Variants in GON4L observed in about 807,000 individuals in gnomAD.
GON4L encodes gon-4 like.
A neutral mutation model predicts 211.8 loss-of-function variants in GON4L; 87 were observed. That is an observed-to-expected ratio of 0.41 (90% CI 0.35 to 0.49). GON4L has a LOEUF of 0.49. Ranked by LOEUF, GON4L falls within the 20% of genes least tolerant of loss-of-function variation. GON4L has a pLI of 0.15. For synonymous variants in GON4L, 875 were observed against 962.6 expected, an observed-to-expected ratio of 0.91 and a Z score of 1.68; for missense variants, 2,155 against 2,659.5, an observed-to-expected ratio of 0.81 and a Z score of 4.17.
chr1:155,803,808 C>T (rs1010191895), intron 11 of GON4L, among the ~76,000 whole-genome samples: 11 of 151,900 alleles, frequency 7.2e-5, no homozygotes, highest in Non-Finnish European at 2.9e-5. Flanking sequence ...GAAGTGTAGA[C>T]AAAGCAAAAA....
At chr1:155,825,748 A>G (rs1279950592) in intron 3 of GON4L, among the ~76,000 whole-genome samples, 1 of 151,916 alleles carries the variant, frequency 6.6e-6, no homozygotes, top group East Asian at 1.9e-4. Context: ...AAAATTTTTT[A>G]ATTAGCTGGC....
chr1:155,820,242 T>G (rs1668615317), intron 6 of GON4L, among the ~76,000 whole-genome samples: 1 of 152,192 alleles, frequency 6.6e-6, no homozygotes, highest in Non-Finnish European at 1.5e-5. Flanking sequence ...TAAGCATGCC[T>G]GAGGGATCCC....
rs892936959 is a variant in GON4L, at chr1:155,777,534, G to A, written c.2091+88C>T. The A allele has an allele frequency of 4.2e-5, 40 of 959,984 alleles. No individual in the cohort carries two copies. In the Admixed American group the frequency reaches 4.6e-4, roughly 11 times the overall value. 59.5% of individuals were successfully genotyped at this position (959,984 alleles called of 1,614,324 possible). A position where few individuals can be genotyped will look rare whatever the true frequency, so the allele number is the denominator to read the frequency against. On this transcript the variant is annotated intron_variant, in intron 15 of 31. Coordinates refer to ENST00000368331, the MANE Select transcript of GON4L (RefSeq NM_001282860.2). ...GCAGAGGTTGAAGTGAGCCGATATC[G>A]GGCCACTGCACTCCAGGCTGGGAGA... is the stretch of plus-strand genomic sequence containing the variant.
intron 6 of GON4L, among the ~76,000 whole-genome samples, chr1:155,820,390 C>T (rs1370292324): frequency 6.6e-6 from 1 of 152,190 alleles, no homozygotes; most frequent in African/African-American, 2.4e-5. Flanking sequence ...GGTTATCTAT[C>T]TAGCAATTCC....
chr1:155,748,629 C>T (rs1660348934), downstream of GON4L: 1 of 1,613,120 alleles, frequency 6.2e-7, no homozygotes, highest in Non-Finnish European at 8.5e-7. Flanking sequence ...AGCAATCATC[C>T]CTTTCCCCTT....
At chr1:155,781,040 T>A (rs1226098436) in intron 14 of GON4L, among the ~76,000 whole-genome samples, 3 of 152,180 alleles carry the variant, frequency 2.0e-5, no homozygotes, top group African/African-American at 7.2e-5. Context: ...CCTGATCACC[T>A]GCACTACTAC....
At position 155,763,187 on chromosome 1, in the gene GON4L, A is replaced by C. The variant is rs565062143; in HGVS notation, c.4726+125T>G. ...TGTTTTGGGGGAGGGGTGTTGCAGA[A>C]GAGATCCAGAGGGTTTCCTCTGGAA... is the stretch of plus-strand genomic sequence containing the variant. On this transcript the variant is annotated intron_variant, in intron 22 of 31. Transcript: ENST00000368331. 18 of 793,714 alleles carry C rather than the reference A, an allele frequency of 2.3e-5. No homozygotes were observed. In the Admixed American group the frequency reaches 4.0e-4, roughly 18 times the overall value. 49.2% of individuals were successfully genotyped at this position (793,714 alleles called of 1,614,324 possible).
intron 12 of GON4L, among the ~76,000 whole-genome samples, chr1:155,791,730 T>C (rs1156449560): frequency 1.3e-5 from 2 of 151,782 alleles, no homozygotes; most frequent in Non-Finnish European, 2.9e-5. Flanking sequence ...TAGCTGGGCG[T>C]GGTGGCGGGC....
Position 155,765,991 on chromosome 1 carries a change from C to T in GON4L, c.3482G>A (p.Cys1161Tyr), listed in dbSNP as rs780899717. ...TVKIVSLGGG[C>Y]NMIQPVNAAV... ...CGCATTGACAGGCTGGATCATGTTA[C>T]AGCCACCGCCAAGGCTCACAATCTT... The change falls in exon 21 of 32, where the codon TGT (cysteine) becomes TAT (tyrosine). Residue 1161 changes from cysteine (C) to tyrosine (Y), a missense_variant. Physicochemically the swap from Cys to Tyr is radical, Grantham distance 194 (BLOSUM62 -2). Coordinates refer to ENST00000368331, the MANE Select transcript of GON4L (RefSeq NM_001282860.2). 1.2e-6 allele frequency: 2 copies of T among 1,614,046 alleles called. No individual in the cohort carries two copies. The highest frequency in any genetic ancestry group is 1.7e-5 in the Admixed American group (1 of 60,012).
rs1663160156 is a variant in GON4L at position 155,771,231 on chromosome 1, A to G, written c.2496-14T>C. On this transcript the variant is annotated splice_polypyrimidine_tract_variant and intron_variant, in intron 18 of 31. Coordinates refer to ENST00000368331, the MANE Select transcript of GON4L (RefSeq NM_001282860.2). ...AAAGCTAACAAACTGAGAAAGGAGA[A>G]TAACACTAAATCTCACTTCACAGTC... The G allele has an allele frequency of 1.2e-6, 2 of 1,613,874 alleles. No homozygotes were observed. The highest frequency in any genetic ancestry group is 1.3e-5 in the African/African-American group (1 of 75,056).
chr1:155,806,451 T>C (rs1667137780), intron 10 of GON4L, among the ~76,000 whole-genome samples: 1 of 151,586 alleles, frequency 6.6e-6, no homozygotes, highest in Admixed American at 6.6e-5. Context: ...CTCAGCTAAT[T>C]TTTTTCATTT....
chr1:155,800,113 C>T (rs373500197), intron 11 of GON4L, among the ~76,000 whole-genome samples: 5 of 151,650 alleles, frequency 3.3e-5, no homozygotes, highest in African/African-American at 1.2e-4. Flanking sequence ...GCAGGAAAAT[C>T]GCTTGAACCT....
chr1:155,824,411 G>A (rs1571868026), intron 3 of GON4L, among the ~76,000 whole-genome samples: 1 of 137,116 alleles, frequency 7.3e-6, no homozygotes, highest in African/African-American at 2.8e-5. Context: ...TCCAGCCTGG[G>A]TGACGAGAGC....
intron 20 of GON4L, 166 bp downstream of exon 20, chr1:155,767,259 C>T: frequency 6.8e-7 from 1 of 1,477,836 alleles, no homozygotes; most frequent in South Asian, 1.3e-5. Flanking sequence ...GCTGTAGAAT[C>T]ACCCAGAGAA....
intron 10 of GON4L, among the ~76,000 whole-genome samples, chr1:155,811,542 G>A (rs1667773314): frequency 6.6e-6 from 1 of 151,202 alleles, no homozygotes; most frequent in African/African-American, 2.4e-5. Context: ...GATCACTTGA[G>A]GTCAGGAGTT....
chr1:155,773,292 TTAGG>T (rs1663404634), intron 17 of GON4L, 82 bp from the exon 18 acceptor site: 1 of 1,529,206 alleles, frequency 6.5e-7, no homozygotes, highest in Admixed American at 1.7e-5. Context: ...ATTTTTGCAT[TTAGG>T]TAGGAGCTAT....
intron 2 of GON4L, among the ~76,000 whole-genome samples, chr1:155,839,831 T>C (rs1286201286): frequency 6.6e-6 from 1 of 152,198 alleles, no homozygotes; most frequent in Non-Finnish European, 1.5e-5. Flanking sequence ...TATGTTAAAG[T>C]AAGGGTTTCA....
chr1:155,746,942 G>A, downstream of GON4L: 3 of 1,601,922 alleles, frequency 1.9e-6, no homozygotes, highest in East Asian at 2.2e-5. Flanking sequence ...GCAGGTAAAC[G>A]GGGATTTTAA....
rs144976499 is a variant in GON4L at position 155,766,313 on chromosome 1, C to T, written c.3160G>A (p.Gly1054Ser). 31 of 1,613,994 alleles carry T rather than the reference C, an allele frequency of 1.9e-5. No individual in the cohort carries two copies. The African/African-American group carries it at 2.4e-4, about 13-fold the overall frequency. ...QPATVLQTVP[G>S]VPPLGVSGGE... The stretch of plus-strand genomic sequence containing the variant: ...CCACTGACCCCCAGTGGAGGGACAC[C>T]TGGAACTGTCTGTAAAACAGTGGCT... Residue 1054 changes from glycine to serine, a missense_variant, in exon 21 of 32, where the codon GGT becomes AGT. This residue lies in a region of GON4L where 615 missense variants were observed against 625.7 expected (regional missense o/e 0.98). Transcript: ENST00000368331.
Sources: allele counts gnomAD v4.1 joint callset (sites outside exome capture counted in the v4.1 genomes callset), GRCh38; gene constraint gnomAD v4.1.1; regional missense constraint gnomAD v4.1.1; transcripts MANE v1.5; gene names NCBI Gene and HGNC (gene_info 2026-07-23, HGNC 2026-07-21).